Variants in CNNM2 observed in about 807,000 individuals in gnomAD.
CNNM2 encodes cyclin and CBS domain divalent metal cation transport mediator 2.
CNNM2 carries 12 observed loss-of-function variants against 66.9 expected under a neutral mutation model. The observed-to-expected ratio is 0.18, with a 90% confidence interval of 0.11 to 0.29. The LOEUF is 0.29. CNNM2 is among the 10% of genes least tolerant of loss of function. The pLI, the probability that CNNM2 is intolerant of heterozygous loss-of-function variation, is 1.00. For missense variants in CNNM2, 705 were observed against 1,167.7 expected (o/e 0.60, Z 5.77); for synonymous variants, 557 against 501.8 (o/e 1.11, Z -1.47).
At chr10:102,952,947 T>C (rs1450101574) in intron 1 of CNNM2, among the ~76,000 whole-genome samples, 1 of 152,180 alleles carries the variant, frequency 6.6e-6, no homozygotes, top group East Asian at 1.9e-4. Context: ...GTGAAGTCAG[T>C]TGGTATATTT....
intron 1 of CNNM2, among the ~76,000 whole-genome samples, chr10:102,987,211 T>C (rs1339026925): frequency 6.6e-6 from 1 of 152,168 alleles, no homozygotes; most frequent in Non-Finnish European, 1.5e-5. Flanking sequence ...AAGAAAATGA[T>C]ATATTCTAAA....
intron 1 of CNNM2, among the ~76,000 whole-genome samples, chr10:103,033,333 C>T (rs1365124770): frequency 2.0e-5 from 3 of 151,882 alleles, no homozygotes; most frequent in African/African-American, 7.3e-5. Flanking sequence ...GGACTACAGG[C>T]GCCCACCACC....
At chr10:103,012,151 A>T (rs773832467) in intron 1 of CNNM2, among the ~76,000 whole-genome samples, 77 of 152,350 alleles carry the variant, frequency 5.1e-4, no homozygotes, top group Admixed American at 1.0e-3. Context: ...TTGTTTACAC[A>T]TCATTTTATG....
At chr10:103,071,676 G>A (rs1438212319) in intron 5 of CNNM2, 98 bp from the exon 6 acceptor site, 11 of 917,370 alleles carry the variant, frequency 1.2e-5, no homozygotes. Flanking sequence ...TGCTCATATT[G>A]TATTGATAGA....
rs202027427 is a variant in CNNM2 at position 102,918,570 on chromosome 10, C to G, written c.90C>G (p.Arg30=). The G allele has an allele frequency of 6.9e-6, 11 of 1,584,112 alleles. No homozygotes were observed. Among genetic ancestry groups the G allele is most frequent in the Middle Eastern group, 1.8e-4 (1 of 5,650 alleles). ...AALPTWKMAA[R]RSLSARGRGI... is the part of the protein sequence containing the mutation. The stretch of plus-strand genomic sequence containing the variant: ...TGCCCACTTGGAAGATGGCGGCGCG[C>G]CGCAGCCTCAGCGCTCGCGGCCGGG... Residue 30 remains arginine (R), a synonymous_variant, in exon 1 of 8, where the codon CGC becomes CGG. Coordinates refer to ENST00000369878, the MANE Select transcript of CNNM2 (RefSeq NM_017649.5). The surrounding 1 kb of genome is among the most constrained non-coding windows in gnomAD (Gnocchi z 4.1).
At position 103,056,845 on chromosome 10, in the gene CNNM2, C is replaced by T. The variant is rs775437473; in HGVS notation, c.1954C>T (p.Leu652=). The T allele has an allele frequency of 1.2e-6, 2 of 1,613,870 alleles. No individual in the cohort carries two copies. Among genetic ancestry groups the T allele is most frequent in the South Asian group, 2.2e-5 (2 of 91,084 alleles). Reference sequence around the variant, plus strand: ...GATGTCAGAGAAGATCCTTCTAAGGCTGCTAAAGCACCCCAATGTCATCCA... The same window carrying T: ...GATGTCAGAGAAGATCCTTCTAAGGTTGCTAAAGCACCCCAATGTCATCCA... ...SQMSEKILLR[L]LKHPNVIQEL... Residue 652 remains leucine (L), a synonymous_variant, in exon 4 of 8, where the codon CTG becomes TTG. Transcript: ENST00000369878.
In CNNM2 at chr10:103,054,709, C is replaced by T. The variant is rs1269036542; in HGVS notation, c.1903+243C>T. Among the ~76,000 whole-genome samples, 1 of 152,096 alleles carries T rather than the reference C, an allele frequency of 6.6e-6. No individual in the cohort carries two copies. Among genetic ancestry groups the T allele is most frequent in the Admixed American group, 6.5e-5 (1 of 15,270 alleles). ...ACATTTACCAGGGGTGGACCAGTAACTTAAAATTGGTCTGAAAGGTAAGGA... is the reference window on the plus strand; with the variant it reads ...ACATTTACCAGGGGTGGACCAGTAATTTAAAATTGGTCTGAAAGGTAAGGA... On this transcript the variant is annotated intron_variant, in intron 3 of 7. Coordinates refer to ENST00000369878, the MANE Select transcript of CNNM2 (RefSeq NM_017649.5). The surrounding 1 kb of genome is among the most constrained non-coding windows in gnomAD (Gnocchi z 5.2).
intron 5 of CNNM2, 52 bp downstream of exon 5, chr10:103,068,774 G>A (rs780182798): frequency 2.9e-6 from 4 of 1,377,986 alleles, no homozygotes; most frequent in African/African-American, 1.4e-5. Context: ...AGGAAGTAAG[G>A]CCCCTCTCCT....
At chr10:103,051,698 C>T (rs1465985280) in intron 2 of CNNM2, among the ~76,000 whole-genome samples, 1 of 151,442 alleles carries the variant, frequency 6.6e-6, no homozygotes, top group Non-Finnish European at 1.5e-5. Context: ...CGAGATTACA[C>T]CACTGCACTC....
intron 1 of CNNM2, among the ~76,000 whole-genome samples, chr10:103,019,089 G>T (rs1361657936): frequency 6.6e-6 from 1 of 151,546 alleles, no homozygotes; most frequent in Admixed American, 6.6e-5. Flanking sequence ...GCAGCACGGC[G>T]AGATCCCATC....
intron 1 of CNNM2, among the ~76,000 whole-genome samples, chr10:102,957,344 A>G (rs983406631): frequency 1.3e-5 from 2 of 152,158 alleles, no homozygotes; most frequent in Non-Finnish European, 2.9e-5. Flanking sequence ...ATAAGATTTC[A>G]GCTGGTGGAG....
Position 103,089,521 on chromosome 10 carries a change from CTA to C in CNNM2, c.*12343_*12344del. The C allele has an allele frequency of 3.7e-6, 5 of 1,360,298 alleles. No homozygotes were observed. In the South Asian group the frequency reaches 8.7e-5, roughly 24 times the overall value. 84.3% of individuals were successfully genotyped at this position (1,360,298 alleles called of 1,614,324 possible). A position where few individuals can be genotyped will look rare whatever the true frequency, so the allele number is the denominator to read the frequency against. ...AGATACACAAAACCAAAACAAGTAT[CTA>C]TGATAATAAAATCTTCAGAAACTTT... On this transcript the variant is annotated 3_prime_UTR_variant, in exon 8 of 8. Coordinates refer to ENST00000369878, the MANE Select transcript of CNNM2 (RefSeq NM_017649.5).
Position 102,992,273 on chromosome 10 carries a change from C to CTTTTTTTTTTTTTTTTTT in CNNM2, c.1622-57433_1622-57416dup, listed in dbSNP as rs35281835. The stretch of plus-strand genomic sequence containing the variant: ...TTTACTGGGAGCAAGCTCCAAGTTC[C>CTTTTTTTTTTTTTTTTTT]TTTTTTTTTTTTTTTTTTGAGATGC... On this transcript the variant is annotated intron_variant, in intron 1 of 7. Coordinates refer to ENST00000369878, the MANE Select transcript of CNNM2 (RefSeq NM_017649.5). 9.9e-4 allele frequency among the ~76,000 whole-genome samples: 107 copies of CTTTTTTTTTTTTTTTTTT among 108,464 alleles called. 10 individuals carry two copies. The highest frequency in any genetic ancestry group is 4.3e-3 in the East Asian group (14 of 3,242). 71.2% of individuals were successfully genotyped at this position (108,464 alleles called of 152,430 possible). A position where few individuals can be genotyped will look rare whatever the true frequency, so the allele number is the denominator to read the frequency against.
intron 1 of CNNM2, among the ~76,000 whole-genome samples, chr10:102,980,598 C>T (rs1014002097): frequency 1.2e-4 from 19 of 152,172 alleles, no homozygotes; most frequent in African/African-American, 3.9e-4. Context: ...TTGGCTCTTA[C>T]GCTGAAAGAT....
rs528913047 is a variant in CNNM2, at chr10:103,000,107, G to C, written c.1622-49600G>C. 1.4e-4 allele frequency among the ~76,000 whole-genome samples: 21 copies of C among 152,126 alleles called. No homozygotes were observed. In the South Asian group the frequency reaches 2.7e-3, roughly 20 times the overall value. ...AAAAATTAGTTGGGTGTGGTGGCAG[G>C]CACCTATAATACCAGCTACTTGGGA... On this transcript the variant is annotated intron_variant, in intron 1 of 7. Transcript: ENST00000369878.
chr10:102,927,319 T>C (rs1383132825), intron 1 of CNNM2: 2 of 1,613,460 alleles, frequency 1.2e-6, no homozygotes, highest in Admixed American at 3.3e-5. Flanking sequence ...AAGTATTGTC[T>C]TTTCATCTCT....
In CNNM2 at chr10:103,073,317, A is replaced by G. The variant is rs12770390; in HGVS notation, c.2233+1478A>G. Among the ~76,000 whole-genome samples the G allele has an allele frequency of 0.11, 16,302 of 152,320 alleles. 1,134 individuals are homozygous for G. The highest frequency in any genetic ancestry group is 0.15 in the Non-Finnish European group (10,236 of 68,012). ...AAAACAGGAGACTCAGAATTACTGCAGGAGGCCTCAGACAAGCAAAGTACC... is the reference window on the plus strand; with the variant it reads ...AAAACAGGAGACTCAGAATTACTGCGGGAGGCCTCAGACAAGCAAAGTACC... On this transcript the variant is annotated intron_variant, in intron 6 of 7. Transcript: ENST00000369878.
chr10:103,024,509 T>G (rs1291404314), intron 1 of CNNM2, among the ~76,000 whole-genome samples: 1 of 152,122 alleles, frequency 6.6e-6, no homozygotes, highest in African/African-American at 2.4e-5. Context: ...GATGGAGTCT[T>G]GCTCTGTCAC....
In CNNM2 at chr10:103,083,939, C is replaced by T. The variant is rs137974541; in HGVS notation, c.*6759C>T. The T allele has an allele frequency of 4.4e-3, 673 of 152,292 alleles. 2 individuals carry two copies. Among genetic ancestry groups the T allele is most frequent in the Non-Finnish European group, 6.8e-3 (461 of 68,054 alleles). 9.4% of individuals were successfully genotyped at this position (152,292 alleles called of 1,614,324 possible). A position where few individuals can be genotyped will look rare whatever the true frequency, so the allele number is the denominator to read the frequency against. On this transcript the variant is annotated 3_prime_UTR_variant, in exon 8 of 8. Transcript: ENST00000369878. ...TGGAAAACATCCGGCCTGAGTGTGG[C>T]GAGGCGTGTGCAGGTGGGTCTTCAG... is the stretch of plus-strand genomic sequence containing the variant.
Sources: gnomAD v4.1 joint callset for allele counts (sites outside exome capture counted in the v4.1 genomes callset) on GRCh38, gnomAD v4.1.1 for gene constraint, Gnocchi (gnomAD v3.1) non-coding constraint, MANE v1.5 for transcripts, NCBI Gene and HGNC (gene_info 2026-07-23, HGNC 2026-07-21) for gene names.